The following OPCML variants were observed in gnomAD, a reference collection of about 807,000 sequenced individuals.
OPCML encodes opioid-binding protein/cell adhesion molecule.
OPCML carries 13 observed loss-of-function variants against 37.8 expected under a neutral mutation model. The ratio of observed to expected loss-of-function variants is 0.34; its 90% CI spans 0.22 to 0.55. The LOEUF is 0.55. Among genes scored for constraint, OPCML ranks in the 20% least tolerant of loss-of-function variants. OPCML has a pLI of 0.91. For missense variants in OPCML, 341 were observed against 435.6 expected (o/e 0.78, Z 1.93); for synonymous variants, 176 against 168.8 (o/e 1.04, Z -0.33).
At chr11:133,420,467 G>C in intron 1 of OPCML, 1 of 985,074 alleles carries the variant, frequency 1.0e-6, no homozygotes, top group Non-Finnish European at 1.2e-6. Flanking sequence ...CCTCTCGTAT[G>C]CTTCTTCTTC....
At chr11:133,326,637 G>A (rs1447860170) in intron 1 of OPCML, among the ~76,000 whole-genome samples, 3 of 138,476 alleles carry the variant, frequency 2.2e-5, no homozygotes, top group African/African-American at 8.1e-5. Flanking sequence ...GGGTGTATGT[G>A]GGTGTTGGGG....
At chr11:133,339,785 G>A (rs546876412) in intron 1 of OPCML, among the ~76,000 whole-genome samples, 8 of 152,238 alleles carry the variant, frequency 5.3e-5, no homozygotes, top group African/African-American at 1.7e-4. Context: ...AAGACTATGA[G>A]TCATTTCAGA....
intron 2 of OPCML, among the ~76,000 whole-genome samples, chr11:132,750,469 A>G (rs1945793826): frequency 6.6e-6 from 1 of 152,124 alleles, no homozygotes; most frequent in Admixed American, 6.5e-5. Flanking sequence ...CAAATAAAGG[A>G]AGGAAACATA....
intron 1 of OPCML, among the ~76,000 whole-genome samples, chr11:133,162,202 G>C (rs1013869942): frequency 2.6e-5 from 4 of 152,092 alleles, no homozygotes; most frequent in African/African-American, 7.2e-5. Context: ...ATGAGAAAGA[G>C]AGGGAGAGAA....
chr11:133,046,095 C>T (rs555678378), intron 1 of OPCML, among the ~76,000 whole-genome samples: 1 of 152,256 alleles, frequency 6.6e-6, no homozygotes, highest in African/African-American at 2.4e-5. Context: ...GAGACACCAG[C>T]CCGAGATTCG....
chr11:132,797,485 T>C (rs1003381683), intron 2 of OPCML, among the ~76,000 whole-genome samples: 1 of 152,232 alleles, frequency 6.6e-6, no homozygotes, highest in Admixed American at 6.5e-5. Flanking sequence ...AGAAATCCTG[T>C]AGGTTCAGTT....
At chr11:133,223,065 C>T (rs1257632594) in intron 1 of OPCML, among the ~76,000 whole-genome samples, 1 of 152,338 alleles carries the variant, frequency 6.6e-6, no homozygotes, top group East Asian at 1.9e-4. Flanking sequence ...GCCCTCACCC[C>T]AACCAGTTCA....
At chr11:133,247,718 C>T (rs2136426673) in intron 1 of OPCML, among the ~76,000 whole-genome samples, 1 of 152,028 alleles carries the variant, frequency 6.6e-6, no homozygotes, top group East Asian at 1.9e-4. Flanking sequence ...ATTCTCATGC[C>T]TCAGCCTCCA....
intron 3 of OPCML, among the ~76,000 whole-genome samples, chr11:132,549,620 G>A (rs1045395210): frequency 6.6e-6 from 1 of 152,180 alleles, no homozygotes; most frequent in Non-Finnish European, 1.5e-5. Context: ...ACAAAGAGTA[G>A]CCTGTAAAGT....
At chr11:132,676,393 A>C (rs1354722957) in intron 2 of OPCML, among the ~76,000 whole-genome samples, 2 of 152,118 alleles carry the variant, frequency 1.3e-5, no homozygotes, top group African/African-American at 2.4e-5. Context: ...TCTTATATAT[A>C]ACACCTAAAG....
intron 1 of OPCML, among the ~76,000 whole-genome samples, chr11:133,103,690 A>G (rs560374296): frequency 6.6e-6 from 1 of 152,324 alleles, no homozygotes; most frequent in East Asian, 1.9e-4. Context: ...TGTCCCAATC[A>G]ATGCATCTCC....
chr11:133,443,876 A>T (rs1201196363), intron 1 of OPCML, among the ~76,000 whole-genome samples: 1 of 152,126 alleles, frequency 6.6e-6, no homozygotes, highest in Non-Finnish European at 1.5e-5. Context: ...TGGGAGGCAA[A>T]GGTGGGAGAG....
At chr11:133,323,257 C>T (rs1682277824) in intron 1 of OPCML, among the ~76,000 whole-genome samples, 1 of 152,166 alleles carries the variant, frequency 6.6e-6, no homozygotes, top group African/African-American at 2.4e-5. Flanking sequence ...ATCACCTCCT[C>T]ATCTGAGAAG....
At chr11:133,241,023 T>G (rs1940711487) in intron 1 of OPCML, among the ~76,000 whole-genome samples, 1 of 152,220 alleles carries the variant, frequency 6.6e-6, no homozygotes, top group African/African-American at 2.4e-5. Context: ...TAAAGAAAGT[T>G]GAGGAACTAG....
At chr11:133,244,180 G>C (rs1053821735) in intron 1 of OPCML, among the ~76,000 whole-genome samples, 1 of 152,172 alleles carries the variant, frequency 6.6e-6, no homozygotes, top group African/African-American at 2.4e-5. Context: ...AGACTATCCG[G>C]CTTGGAATGC....
At chr11:133,420,381 G>A in intron 1 of OPCML, 8 of 985,418 alleles carry the variant, frequency 8.1e-6, no homozygotes, top group Non-Finnish European at 9.6e-6. Context: ...TAGGACAGTA[G>A]TTGGTTCTTT....
At chr11:133,494,988 TGA>T (rs1169448728) in intron 1 of OPCML, among the ~76,000 whole-genome samples, 1 of 152,172 alleles carries the variant, frequency 6.6e-6, no homozygotes, top group Non-Finnish European at 1.5e-5. Flanking sequence ...TGGTGATTTG[TGA>T]GAGTTTGGTG....
rs780326287 is a variant in OPCML, at chr11:132,420,002, C to T, written c.*191G>A. 2.2e-5 allele frequency: 8 copies of T among 367,346 alleles called. 1 individual carries two copies. Among genetic ancestry groups the T allele is most frequent in the Non-Finnish European group, 3.1e-5 (6 of 190,546 alleles). The allele number at this position is 367,346 out of a possible 1,614,324, so 22.8% of individuals were successfully genotyped here. The stretch of plus-strand genomic sequence containing the variant: ...CTACACGTGGTAGAACCCTGCCCAC[C>T]CCGCCCCCAACCCCACTCATTCAAG... On this transcript the variant is annotated 3_prime_UTR_variant, in exon 8 of 8. Transcript: ENST00000524381.
chr11:132,970,494 G>A (rs1434175846), intron 1 of OPCML, among the ~76,000 whole-genome samples: 2 of 152,232 alleles, frequency 1.3e-5, no homozygotes, highest in East Asian at 1.9e-4. Context: ...GCACATACCA[G>A]GCTGATCTCC....
Sources: allele counts gnomAD v4.1 joint callset (sites outside exome capture counted in the v4.1 genomes callset), GRCh38; gene constraint gnomAD v4.1.1; transcripts MANE v1.5; gene names NCBI Gene and HGNC (gene_info 2026-07-23, HGNC 2026-07-21).